Variants in JRK observed in about 807,000 individuals in gnomAD.
JRK encodes jerky protein homolog.
For synonymous variants in JRK, 303 were observed against 218.1 expected, an observed-to-expected ratio of 1.39 and a Z score of -3.43; for missense variants, 720 against 509.2, an observed-to-expected ratio of 1.41 and a Z score of -3.98.
chr8:142,654,402 C>G (rs1393631266), downstream of JRK, among the ~76,000 whole-genome samples: 3 of 152,220 alleles, frequency 2.0e-5, no homozygotes, highest in South Asian at 6.2e-4. Flanking sequence ...CAGCCAGACT[C>G]CAGCCACTCC....
In JRK at chr8:142,660,044, G is replaced by C; in HGVS notation, c.*4308C>G. 1 of 986,006 alleles carries C rather than the reference G, an allele frequency of 1.0e-6. No individual in the cohort carries two copies. Among genetic ancestry groups the C allele is most frequent in the African/African-American group, 1.7e-5 (1 of 57,390 alleles). 61.1% of individuals were successfully genotyped at this position (986,006 alleles called of 1,614,324 possible). A position where few individuals can be genotyped will look rare whatever the true frequency, so the allele number is the denominator to read the frequency against. On this transcript the variant is annotated 3_prime_UTR_variant, in exon 2 of 2. Transcript: ENST00000612905. ...GGAGCTGGGGCTCATGTGGGAGGCTGGTGGCTGCCATGGCTGCAGCTCCTG... is the reference window on the plus strand; with the variant it reads ...GGAGCTGGGGCTCATGTGGGAGGCTCGTGGCTGCCATGGCTGCAGCTCCTG...
At position 142,667,104 on chromosome 8, in the gene JRK, G is replaced by A. The variant is rs75332325; in HGVS notation, c.-462-584C>T. On this transcript the variant is annotated intron_variant, in intron 1 of 1. Coordinates refer to ENST00000612905, the MANE Select transcript of JRK (RefSeq NM_003724.4). ...GACACAGAGCGCCAAACTGCCTCTA[G>A]AAAACAAGGCATTAGAAGTTTCTCT... Among the ~76,000 whole-genome samples, 726 of 152,334 alleles carry A rather than the reference G, an allele frequency of 4.8e-3. 4 individuals carry two copies. The highest frequency in any genetic ancestry group is 0.016 in the African/African-American group (649 of 41,556).
At chr8:142,651,529 C>CA in the JRK span, among the ~76,000 whole-genome samples, 2 of 140,432 alleles carry the variant, frequency 1.4e-5, no homozygotes, top group Non-Finnish European at 3.1e-5. Context: ...TAATGAAAAT[C>CA]AAAAATCAAT....
chr8:142,661,355 C>G lies in JRK; in HGVS notation c.*2997G>C, dbSNP rs961063031. ...AAAGTATGGCCTCTCCTGGGCATCC[C>G]GAGGGATGGGAGCTCCCAGAGTGGA... On this transcript the variant is annotated 3_prime_UTR_variant, in exon 2 of 2. Coordinates refer to ENST00000612905, the MANE Select transcript of JRK (RefSeq NM_003724.4). 1.0e-6 allele frequency: 1 copy of G among 985,484 alleles called. No homozygotes were observed. Among genetic ancestry groups the G allele is most frequent in the Admixed American group, 6.1e-5 (1 of 16,294 alleles). The allele number at this position is 985,484 out of a possible 1,614,324, so 61.0% of individuals were successfully genotyped here.
chr8:142,667,278 G>A (rs1300410580), intron 1 of JRK, among the ~76,000 whole-genome samples: 1 of 152,122 alleles, frequency 6.6e-6, no homozygotes, highest in African/African-American at 2.4e-5. Flanking sequence ...GCCTCTTCCA[G>A]AGGGGACCCC....
the JRK span, among the ~76,000 whole-genome samples, chr8:142,645,132 T>G: frequency 6.6e-6 from 1 of 152,232 alleles, no homozygotes; most frequent in African/African-American, 2.4e-5. Context: ...GAATGGCATC[T>G]TCTACTGGAT....
At position 142,664,368 on chromosome 8, in the gene JRK, G is replaced by C; in HGVS notation, c.1691C>G (p.Thr564Arg). 1 of 1,567,342 alleles carries C rather than the reference G, an allele frequency of 6.4e-7. No individual in the cohort carries two copies. Among genetic ancestry groups the C allele is most frequent in the Non-Finnish European group, 8.7e-7 (1 of 1,153,370 alleles). The change falls in exon 2 of 2, where the codon ACA becomes AGA. Residue 564 changes from threonine (T) to arginine (R), a missense_variant. Coordinates refer to ENST00000612905, the MANE Select transcript of JRK (RefSeq NM_003724.4). Reference protein sequence around the residue: ...TAQSPLPCSSTAGDN With the variant: ...TAQSPLPCSSRAGDN The stretch of plus-strand genomic sequence containing the variant: ...GAGAAGCCATCAGTTGTCACCTGCT[G>C]TGGATGAGCAGGGCAAGGGAGACTG...
rs1043636136 is a variant in JRK, at chr8:142,663,795, C to A, written c.*557G>T. 1.9e-5 allele frequency: 19 copies of A among 986,086 alleles called. No homozygotes were observed. The South Asian group carries it at 8.5e-4, about 44-fold the overall frequency. The allele number at this position is 986,086 out of a possible 1,614,324, so 61.1% of individuals were successfully genotyped here. ...GAAGTGAGATGTGCGGCCTGTTCAG[C>A]CGCTAGCAGGCCAAGAACTGAGTCC... On this transcript the variant is annotated 3_prime_UTR_variant, in exon 2 of 2. Coordinates refer to ENST00000612905, the MANE Select transcript of JRK (RefSeq NM_003724.4).
the JRK span, among the ~76,000 whole-genome samples, chr8:142,644,743 C>G: frequency 6.6e-6 from 1 of 152,108 alleles, no homozygotes; most frequent in South Asian, 2.1e-4. Flanking sequence ...ATATTCCAAA[C>G]AATAAACCCT....
rs781847561 is a variant in JRK at position 142,664,835 on chromosome 8, C to T, written c.1224G>A (p.Val408=). ...GTGCAAAGGACTTGTTGTGGGGCTT[C>T]ACTGGGAAGCACTCTGCCTCCAACT... ...EEELEAECFP[V]KPHNKSFAHI... is the part of the protein sequence containing the mutation. Residue 408 remains valine, a synonymous_variant, in exon 2 of 2, where the codon GTG becomes GTA. Transcript: ENST00000612905. 7 of 1,579,416 alleles carry T rather than the reference C, an allele frequency of 4.4e-6. No homozygotes were observed. In the East Asian group the frequency reaches 1.6e-4, roughly 36 times the overall value.
At position 142,661,629 on chromosome 8, in the gene JRK, G is replaced by A. The variant is rs1846918669; in HGVS notation, c.*2723C>T. ...GCCTGGTGCTCACAGATAAAACGCG[G>A]AGGCATTTAAACAGGACCAGAGACT... On this transcript the variant is annotated 3_prime_UTR_variant, in exon 2 of 2. Coordinates refer to ENST00000612905, the MANE Select transcript of JRK (RefSeq NM_003724.4). 2 of 985,460 alleles carry A rather than the reference G, an allele frequency of 2.0e-6. No homozygotes were observed. Among genetic ancestry groups the A allele is most frequent in the Non-Finnish European group, 2.4e-6 (2 of 829,954 alleles). The allele number at this position is 985,460 out of a possible 1,614,324, so 61.0% of individuals were successfully genotyped here.
chr8:142,652,069 G>C, the JRK span, among the ~76,000 whole-genome samples: 1 of 152,150 alleles, frequency 6.6e-6, no homozygotes, highest in African/African-American at 2.4e-5. Flanking sequence ...AATTTTGGGA[G>C]ATCAGGGATT....
chr8:142,664,456 G>A lies in JRK; in HGVS notation c.1603C>T (p.Leu535Phe), dbSNP rs782803245. 2.5e-6 allele frequency: 4 copies of A among 1,611,886 alleles called. No homozygotes were observed. The highest frequency in any genetic ancestry group is 2.2e-5 in the East Asian group (1 of 44,808). Residue 535 changes from leucine (L) to phenylalanine (F), a missense_variant, in exon 2 of 2, where the codon CTC (leucine) becomes TTC (phenylalanine). Coordinates refer to ENST00000612905, the MANE Select transcript of JRK (RefSeq NM_003724.4). ...GCTTCAACCTTGACCACAGCCCCGAGGGCACCACGCCGCCTCCTCACCTGC... is the reference window on the plus strand; with the variant it reads ...GCTTCAACCTTGACCACAGCCCCGAAGGCACCACGCCGCCTCCTCACCTGC... ...QQQVRRRRGA[L>F]GAVVKVEALQ...
Position 142,665,935 on chromosome 8 carries a change from TCAG to T in JRK, c.121_123del (p.Leu41del). Reference sequence around the variant, plus strand: ...GACATGCCCACATTGTACTCCTGCATCAGTGCCTTCCGGCTCTCGCCCTTCTCC... The same window carrying T: ...GACATGCCCACATTGTACTCCTGCATTGCCTTCCGGCTCTCGCCCTTCTCC... On this transcript the variant is annotated inframe_deletion, in exon 2 of 2. Coordinates refer to ENST00000612905, the MANE Select transcript of JRK (RefSeq NM_003724.4). The T allele has an allele frequency of 1.2e-6, 1 of 838,028 alleles. No homozygotes were observed. Among genetic ancestry groups the T allele is most frequent in the Non-Finnish European group, 2.1e-6 (1 of 470,806 alleles). The allele number at this position is 838,028 out of a possible 1,614,324, so 51.9% of individuals were successfully genotyped here.
Position 142,660,502 on chromosome 8 carries a change from G to A in JRK, c.*3850C>T. 1 of 866,132 alleles carries A rather than the reference G, an allele frequency of 1.2e-6. No homozygotes were observed. Among genetic ancestry groups the A allele is most frequent in the Non-Finnish European group, 1.4e-6 (1 of 721,416 alleles). 53.7% of individuals were successfully genotyped at this position (866,132 alleles called of 1,614,324 possible). On this transcript the variant is annotated 3_prime_UTR_variant, in exon 2 of 2. Coordinates refer to ENST00000612905, the MANE Select transcript of JRK (RefSeq NM_003724.4). ...TGCAGCCTCAAACTCCTGGGCTTGG[G>A]GATCCTCCCGCCTCGGCCTCCTGAG...
Position 142,665,956 on chromosome 8 carries a change from C to T in JRK, c.103G>A (p.Gly35Ser), listed in dbSNP as rs1554635985. 3.1e-6 allele frequency: 3 copies of T among 973,586 alleles called. No homozygotes were observed. Among genetic ancestry groups the T allele is most frequent in the Middle Eastern group, 4.1e-4 (2 of 4,846 alleles). 60.3% of individuals were successfully genotyped at this position (973,586 alleles called of 1,614,324 possible). The change falls in exon 2 of 2, where the codon GGC becomes AGC. Residue 35 changes from glycine (G) to serine (S), a missense_variant. Gly to Ser is a moderately conservative substitution (Grantham distance 56). Transcript: ENST00000612905. ...KIDICTRLEKGESRKALMQEY... is the reference protein window; with the variant it reads ...KIDICTRLEKSESRKALMQEY... ...TGCATCAGTGCCTTCCGGCTCTCGC[C>T]CTTCTCCAGGCGCGTGCAGATGTCA...
Position 142,666,196 on chromosome 8 carries a change from G to A in JRK, c.-138C>T. 1.4e-6 allele frequency: 2 copies of A among 1,461,424 alleles called. No homozygotes were observed. Among genetic ancestry groups the A allele is most frequent in the Non-Finnish European group, 1.9e-6 (2 of 1,072,814 alleles). The allele number at this position is 1,461,424 out of a possible 1,614,324, so 90.5% of individuals were successfully genotyped here. On this transcript the variant is annotated 5_prime_UTR_variant, in exon 2 of 2. Coordinates refer to ENST00000612905, the MANE Select transcript of JRK (RefSeq NM_003724.4). Reference sequence around the variant, plus strand: ...TCTGCCTGCCTGCTCTGCTGATCCTGAGCACAGGCCCCAGTCCCTCTCGGG... The same window carrying A: ...TCTGCCTGCCTGCTCTGCTGATCCTAAGCACAGGCCCCAGTCCCTCTCGGG...
Position 142,665,453 on chromosome 8 carries a change from T to G in JRK, c.606A>C (p.Glu202Asp), listed in dbSNP as rs1847085714. 1 of 717,960 alleles carries G rather than the reference T, an allele frequency of 1.4e-6. No homozygotes were observed. Among genetic ancestry groups the G allele is most frequent in the Non-Finnish European group, 2.6e-6 (1 of 385,090 alleles). 44.5% of individuals were successfully genotyped at this position (717,960 alleles called of 1,614,324 possible). A position where few individuals can be genotyped will look rare whatever the true frequency, so the allele number is the denominator to read the frequency against. Residue 202 changes from glutamate to aspartate, a missense_variant, in exon 2 of 2, where the codon GAA becomes GAC. By Grantham distance (45) the Glu-to-Asp change is conservative. Transcript: ENST00000612905. Reference sequence around the variant, plus strand: ...GCTTGGGGCCAGGCACAGCCCCGCCTTCCGGAGTGGGATTTGGCAGGCACC... The same window carrying G: ...GCTTGGGGCCAGGCACAGCCCCGCCGTCCGGAGTGGGATTTGGCAGGCACC... ...FWRCLPNPTPEGGAVPGPKQG... is the reference protein window; with the variant it reads ...FWRCLPNPTPDGGAVPGPKQG...
chr8:142,669,163 A>AGTGTGTGTGTGTGTGTGT (rs59300327), intron 1 of JRK, among the ~76,000 whole-genome samples: 1 of 136,122 alleles, frequency 7.3e-6, no homozygotes, highest in East Asian at 2.4e-4. Flanking sequence ...GCAGGGGCAT[A>AGTGTGTGTGTGTGTGTGT]GTGTGTGTGT....
Sources: allele counts gnomAD v4.1 joint callset (sites outside exome capture counted in the v4.1 genomes callset), GRCh38; gene constraint gnomAD v4.1.1; transcripts MANE v1.5; gene names NCBI Gene and HGNC (gene_info 2026-07-23, HGNC 2026-07-21).